EVA1A: variants seen among roughly 807,000 people sequenced by gnomAD.
The protein encoded by EVA1A is eva-1 homolog A, regulator of programmed cell death.
In EVA1A, 7 loss-of-function variants were observed where a neutral mutation model predicts 9.8. The observed-to-expected ratio is 0.71, with a 90% CI of 0.41 to 1.34. EVA1A has a LOEUF of 1.34. Ranked by LOEUF, EVA1A falls within the 40% of genes most tolerant of loss-of-function variation. The probability of loss-of-function intolerance (pLI) is 0.01; values close to 1 mark genes in which losing one functional copy is unlikely to be tolerated. For synonymous variants in EVA1A, 90 were observed against 85.6 expected (o/e 1.05, Z -0.28); for missense variants, 206 against 205.9 (o/e 1.00, Z 0.00).
chr2:75,512,584 A>G (rs1674853912), intron 3 of EVA1A, among the ~76,000 whole-genome samples: 1 of 152,174 alleles, frequency 6.6e-6, no homozygotes, highest in African/African-American at 2.4e-5. Flanking sequence ...GGTAGTGACT[A>G]AATAAAAGCA....
At position 75,493,421 on chromosome 2, in the gene EVA1A, C is replaced by T. The variant is rs543965376; in HGVS notation, c.274G>A (p.Val92Met). 7 of 1,614,148 alleles carry T rather than the reference C, an allele frequency of 4.3e-6. No individual in the cohort carries two copies. In the South Asian group the frequency reaches 4.4e-5, roughly 10 times the overall value. ...TGTCTCCGCACGGAGAGATCGGACA[C>T]GGTGTCCTCACTGCCATCCTCGCTG... ...SDSEDGSEDTVSDLSVRRHRR... is the reference protein window; with the variant it reads ...SDSEDGSEDTMSDLSVRRHRR... Residue 92 changes from valine (V) to methionine (M), a missense_variant, in exon 4 of 4, where the codon GTG becomes ATG. Coordinates refer to ENST00000393913, the MANE Select transcript of EVA1A (RefSeq NM_001135032.2).
intron 1 of EVA1A, among the ~76,000 whole-genome samples, chr2:75,530,650 A>G (rs1464914141): frequency 6.6e-6 from 1 of 152,236 alleles, no homozygotes; most frequent in East Asian, 1.9e-4. Flanking sequence ...AAAAACAGAA[A>G]TTATATGATC....
rs3081153 is a variant in EVA1A at position 75,492,411 on chromosome 2, T to TAAAAAAAAAAA, written c.*814_*824dup. On this transcript the variant is annotated 3_prime_UTR_variant, in exon 4 of 4. Transcript: ENST00000393913. ...TCCATTCTTTTCTTTGAAATCCAAT[T>TAAAAAAAAAAA]AAAAAAAAAAAAAAAAACAAAGTGT... 1 of 138,322 alleles carries TAAAAAAAAAAA rather than the reference T, an allele frequency of 7.2e-6. No homozygotes were observed. Among genetic ancestry groups the TAAAAAAAAAAA allele is most frequent in the African/African-American group, 2.7e-5 (1 of 37,546 alleles). 8.6% of individuals were successfully genotyped at this position (138,322 alleles called of 1,614,324 possible). A position where few individuals can be genotyped will look rare whatever the true frequency, so the allele number is the denominator to read the frequency against.
chr2:75,494,269 T>C (rs1324997232), intron 3 of EVA1A, among the ~76,000 whole-genome samples: 1 of 152,166 alleles, frequency 6.6e-6, no homozygotes, highest in African/African-American at 2.4e-5. Context: ...GCTTTTCAAA[T>C]ATGTGGCTTC....
intron 1 of EVA1A, among the ~76,000 whole-genome samples, chr2:75,532,803 A>G (rs1675714579): frequency 6.6e-6 from 1 of 152,250 alleles, no homozygotes; most frequent in Non-Finnish European, 1.5e-5. Context: ...GAATAAAGCC[A>G]AAGAAATCCA....
chr2:75,551,838 C>A (rs941809084), intron 1 of EVA1A, among the ~76,000 whole-genome samples: 2 of 152,192 alleles, frequency 1.3e-5, no homozygotes, highest in African/African-American at 4.8e-5. Flanking sequence ...TACTCCATAA[C>A]CCTCCGTAAC....
chr2:75,529,907 T>C (rs1016403530), intron 1 of EVA1A, among the ~76,000 whole-genome samples: 1 of 151,912 alleles, frequency 6.6e-6, no homozygotes, highest in Non-Finnish European at 1.5e-5. Context: ...GCAACAGAAC[T>C]AAATGAAATT....
chr2:75,493,624 G>A lies in EVA1A; in HGVS notation c.86-15C>T, dbSNP rs879092836. The A allele has an allele frequency of 1.9e-6, 3 of 1,566,096 alleles. No individual in the cohort carries two copies. Among genetic ancestry groups the A allele is most frequent in the South Asian group, 1.2e-5 (1 of 82,458 alleles). Reference sequence around the variant, plus strand: ...CTCAGGATTTTCTGGAGGAAGAAGAGGAAGAAGCAAGCATTTGAGAGATGA... The same window carrying A: ...CTCAGGATTTTCTGGAGGAAGAAGAAGAAGAAGCAAGCATTTGAGAGATGA... On this transcript the variant is annotated splice_polypyrimidine_tract_variant and intron_variant, in intron 3 of 3. Transcript: ENST00000393913.
chr2:75,497,186 T>A (rs750596284), intron 3 of EVA1A, among the ~76,000 whole-genome samples: 18 of 152,312 alleles, frequency 1.2e-4, no homozygotes, highest in South Asian at 4.1e-4. Flanking sequence ...AATGGACAAG[T>A]AGGATCTAAT....
intron 1 of EVA1A, among the ~76,000 whole-genome samples, chr2:75,568,749 T>A (rs922550924): frequency 3.3e-5 from 5 of 152,264 alleles, no homozygotes; most frequent in African/African-American, 1.2e-4. Context: ...CTTAGAATAA[T>A]GGCCTCCAGC....
intron 1 of EVA1A, among the ~76,000 whole-genome samples, chr2:75,529,878 A>C (rs942125756): frequency 4.6e-5 from 7 of 152,238 alleles, no homozygotes; most frequent in African/African-American, 1.7e-4. Flanking sequence ...ATAGGAGATG[A>C]AAAGAAGTAA....
intron 1 of EVA1A, among the ~76,000 whole-genome samples, chr2:75,558,893 A>G (rs911342261): frequency 2.0e-5 from 3 of 152,324 alleles, no homozygotes; most frequent in African/African-American, 7.2e-5. Flanking sequence ...CAGATTCCCA[A>G]TTCCCATCCC....
chr2:75,559,703 G>T (rs1162917009), intron 1 of EVA1A, among the ~76,000 whole-genome samples: 1 of 135,562 alleles, frequency 7.4e-6, no homozygotes, highest in Non-Finnish European at 1.6e-5. Flanking sequence ...GAGGTGGGGG[G>T]GGGGCGGGGG....
At chr2:75,555,301 A>ATATCTCTCTCTCTCTCTCTCTCTC (rs1553421942) in intron 1 of EVA1A, among the ~76,000 whole-genome samples, 1 of 57,154 alleles carries the variant, frequency 1.7e-5, no homozygotes, top group Non-Finnish European at 4.0e-5. Context: ...TCAAAACTCA[A>ATATCTCTCTCTCTCTCTCTCTCTC]TCTCTCTCTC....
intron 1 of EVA1A, among the ~76,000 whole-genome samples, chr2:75,527,835 C>T (rs1005211208): frequency 6.6e-6 from 1 of 152,160 alleles, no homozygotes; most frequent in Non-Finnish European, 1.5e-5. Context: ...CAGGAACATA[C>T]CAGGGCAACT....
chr2:75,513,123 A>C (rs185973027), intron 3 of EVA1A, among the ~76,000 whole-genome samples: 214 of 152,266 alleles, frequency 1.4e-3, no homozygotes, highest in Admixed American at 4.0e-3. Flanking sequence ...AAAGGCTTTG[A>C]GAATCACAGA....
At chr2:75,538,971 T>G (rs181097451) in intron 1 of EVA1A, among the ~76,000 whole-genome samples, 1 of 152,248 alleles carries the variant, frequency 6.6e-6, no homozygotes, top group Non-Finnish European at 1.5e-5. Context: ...AGCACAGTTT[T>G]GCACGATGTC....
At chr2:75,509,741 A>G (rs571397785) in intron 3 of EVA1A, among the ~76,000 whole-genome samples, 109 of 152,270 alleles carry the variant, frequency 7.2e-4, no homozygotes, top group African/African-American at 2.6e-3. Context: ...ATTTTACAAA[A>G]ATCTGGATCT....
chr2:75,519,740 G>A (rs1675169908), intron 2 of EVA1A, among the ~76,000 whole-genome samples: 1 of 152,206 alleles, frequency 6.6e-6, no homozygotes, highest in Non-Finnish European at 1.5e-5. Flanking sequence ...AGGACTTCAA[G>A]ACCCAGGAAA....
Sources: gnomAD v4.1 joint callset for allele counts (sites outside exome capture counted in the v4.1 genomes callset) on GRCh38, gnomAD v4.1.1 for gene constraint, MANE v1.5 for transcripts, NCBI Gene and HGNC (gene_info 2026-07-23, HGNC 2026-07-21) for gene names.